The following SHISA5 variants were observed in gnomAD, a reference collection of about 807,000 sequenced individuals.
The protein encoded by SHISA5 is shisa family member 5, also known as protein shisa-5.
SHISA5 carries 21 observed loss-of-function variants against 27.5 expected under a neutral mutation model. That is an observed-to-expected ratio of 0.76 (90% CI 0.54 to 1.10). SHISA5 has a LOEUF of 1.10. Ranked by LOEUF, SHISA5 falls within the 50% of genes least tolerant of loss-of-function variation. The pLI is 0.00. For missense variants in SHISA5, 314 were observed against 336.3 expected (o/e 0.93, Z 0.52); for synonymous variants, 137 against 142.2 (o/e 0.96, Z 0.26).
At chr3:48,494,299 CTTTT>C (rs1328472129) in intron 2 of SHISA5, among the ~76,000 whole-genome samples, 2 of 129,726 alleles carry the variant, frequency 1.5e-5, no homozygotes, top group Non-Finnish European at 3.2e-5. Flanking sequence ...TCTGGATTTC[CTTTT>C]TTTTTTTTTT....
At chr3:48,501,406 T>C in intron 1 of SHISA5, 113 bp from the exon 2 acceptor site, 1 of 1,244,456 alleles carries the variant, frequency 8.0e-7, no homozygotes. Context: ...TGCTGCACCG[T>C]CTCTGAGCCA....
At chr3:48,501,387 A>G in intron 1 of SHISA5, 94 bp from the exon 2 acceptor site, 1 of 1,361,634 alleles carries the variant, frequency 7.3e-7, no homozygotes. Flanking sequence ...GACCACACAC[A>G]CACACACATG....
chr3:48,503,123 G>A (rs779250202), intron 1 of SHISA5: 5 of 1,289,816 alleles, frequency 3.9e-6, no homozygotes, highest in South Asian at 2.5e-5. Flanking sequence ...AGCATGGCCC[G>A]TGCCTGGTGG....
chr3:48,493,574 C>G lies in SHISA5; in HGVS notation c.233+7563G>C. Among the ~76,000 whole-genome samples, 2 of 119,870 alleles carry G rather than the reference C, an allele frequency of 1.7e-5. 1 individual carries two copies. Among genetic ancestry groups the G allele is most frequent in the Non-Finnish European group, 3.2e-5 (2 of 63,372 alleles). 78.6% of individuals were successfully genotyped at this position (119,870 alleles called of 152,430 possible). A position where few individuals can be genotyped will look rare whatever the true frequency, so the allele number is the denominator to read the frequency against. On this transcript the variant is annotated intron_variant, in intron 2 of 5. Transcript: ENST00000296444. ...TGAGACAGAGGCGGCTCTGTCATCCCGGCTGAAGTGCAGTGGCACAATCTC... is the reference window on the plus strand; with the variant it reads ...TGAGACAGAGGCGGCTCTGTCATCCGGGCTGAAGTGCAGTGGCACAATCTC...
rs1399199484 is a variant in SHISA5 at position 48,473,407 on chromosome 3, C to G, written c.315-3564G>C. The G allele has an allele frequency of 7.6e-7, 1 of 1,313,264 alleles. No homozygotes were observed. The highest frequency in any genetic ancestry group is 1.2e-5 in the South Asian group (1 of 81,216). The allele number at this position is 1,313,264 out of a possible 1,614,324, so 81.4% of individuals were successfully genotyped here. A position where few individuals can be genotyped will look rare whatever the true frequency, so the allele number is the denominator to read the frequency against. Reference sequence around the variant, plus strand: ...CAACCACACTCTAGCTCAGCAGCACCCCCACCCCCACTTCCACCTAACCCA... The same window carrying G: ...CAACCACACTCTAGCTCAGCAGCACGCCCACCCCCACTTCCACCTAACCCA... On this transcript the variant is annotated intron_variant, in intron 3 of 5. Coordinates refer to ENST00000296444, the MANE Select transcript of SHISA5 (RefSeq NM_016479.6). The surrounding 1 kb of genome is among the most constrained non-coding windows in gnomAD (Gnocchi z 4.3).
At chr3:48,479,354 C>CCGGTTCA in intron 2 of SHISA5, 97 bp from the exon 3 acceptor site, 1 of 1,227,508 alleles carries the variant, frequency 8.1e-7, no homozygotes, top group Non-Finnish European at 1.1e-6. Flanking sequence ...ACAGAAGCTA[C>CCGGTTCA]TATGAACCGG....
chr3:48,501,860 C>CTTTTT (rs35527637), intron 1 of SHISA5, among the ~76,000 whole-genome samples: 1 of 133,092 alleles, frequency 7.5e-6, no homozygotes, highest in Non-Finnish European at 1.6e-5. Context: ...CCCTTTCTTT[C>CTTTTT]TTTTTTTTTT....
intron 2 of SHISA5, among the ~76,000 whole-genome samples, chr3:48,492,797 G>A (rs1489358326): frequency 6.8e-6 from 1 of 147,366 alleles, no homozygotes; most frequent in Admixed American, 6.6e-5. Flanking sequence ...CCCAGAACTG[G>A]GGTTAATCAG....
At chr3:48,504,223 T>G, upstream of SHISA5, 2 of 384,346 alleles carry the variant, frequency 5.2e-6, no homozygotes. This position sits in a 1 kb window ranked among gnomAD's most constrained non-coding sequence, Gnocchi z 4.0. Context: ...CCGGAACCTC[T>G]GTCCGGGGGA....
chr3:48,487,965 TAAACA>T (rs1417595338), intron 2 of SHISA5, among the ~76,000 whole-genome samples: 2 of 152,166 alleles, frequency 1.3e-5, no homozygotes, highest in Non-Finnish European at 2.9e-5. Context: ...CTTTAGATGT[TAAACA>T]AAACAAAATT....
chr3:48,500,747 G>T (rs2041728965), intron 2 of SHISA5, among the ~76,000 whole-genome samples: 1 of 152,164 alleles, frequency 6.6e-6, no homozygotes, highest in African/African-American at 2.4e-5. Flanking sequence ...CCACAAGCGG[G>T]TTCTGAACAA....
chr3:48,498,386 C>T (rs577534622), intron 2 of SHISA5, among the ~76,000 whole-genome samples: 1 of 152,134 alleles, frequency 6.6e-6, no homozygotes, highest in Non-Finnish European at 1.5e-5. Flanking sequence ...AGAAATAAGA[C>T]ATTCAGAATA....
Position 48,468,536 on chromosome 3 carries a change from G to C in SHISA5, c.*571C>G. The C allele has an allele frequency of 8.4e-7, 1 of 1,187,552 alleles. No homozygotes were observed. Among genetic ancestry groups the C allele is most frequent in the Non-Finnish European group, 1.1e-6 (1 of 942,184 alleles). 73.6% of individuals were successfully genotyped at this position (1,187,552 alleles called of 1,614,324 possible). A position where few individuals can be genotyped will look rare whatever the true frequency, so the allele number is the denominator to read the frequency against. On this transcript the variant is annotated 3_prime_UTR_variant, in exon 6 of 6. Transcript: ENST00000296444. ...GGCATGACAGGCTCCAGGGAGCAAT[G>C]GGACATCTGCCCAAAGGATCAAAGT...
chr3:48,486,504 T>TA (rs1157978991), intron 2 of SHISA5, among the ~76,000 whole-genome samples: 4 of 114,924 alleles, frequency 3.5e-5, no homozygotes, highest in African/African-American at 1.4e-4. Flanking sequence ...ATATTTATAA[T>TA]TATATAATAT....
intron 3 of SHISA5, 61 bp downstream of exon 3, chr3:48,479,116 C>T: frequency 1.4e-6 from 2 of 1,466,466 alleles, no homozygotes; most frequent in African/African-American, 1.4e-5. Context: ...CACACTGGCC[C>T]CCCTGAGCCC....
chr3:48,474,567 C>T lies in SHISA5; in HGVS notation c.314+4610G>A, dbSNP rs188864469. On this transcript the variant is annotated intron_variant, in intron 3 of 5. Coordinates refer to ENST00000296444, the MANE Select transcript of SHISA5 (RefSeq NM_016479.6). ...GGCCAGGCTGGTCTCGAACTCCCGA[C>T]CTCAGGTGATCTGCCCACCTTGGCC... 2.8e-3 allele frequency among the ~76,000 whole-genome samples: 423 copies of T among 152,184 alleles called. 2 individuals are homozygous for T. The highest frequency in any genetic ancestry group is 9.9e-3 in the African/African-American group (409 of 41,506).
intron 2 of SHISA5, among the ~76,000 whole-genome samples, chr3:48,495,852 T>C (rs1330293482): frequency 6.8e-6 from 1 of 146,600 alleles, no homozygotes; most frequent in Non-Finnish European, 1.5e-5. Context: ...AATAAACAAT[T>C]AGAAAATAAA....
chr3:48,502,744 A>G (rs1166961812), intron 1 of SHISA5, among the ~76,000 whole-genome samples: 1 of 152,212 alleles, frequency 6.6e-6, no homozygotes, highest in Non-Finnish European at 1.5e-5. Context: ...AAGGCCCACA[A>G]GTCCGCAGTA....
chr3:48,473,111 G>A lies in SHISA5; in HGVS notation c.315-3268C>T. 1 of 1,480,510 alleles carries A rather than the reference G, an allele frequency of 6.8e-7. No individual in the cohort carries two copies. 91.7% of individuals were successfully genotyped at this position (1,480,510 alleles called of 1,614,324 possible). A position where few individuals can be genotyped will look rare whatever the true frequency, so the allele number is the denominator to read the frequency against. On this transcript the variant is annotated intron_variant, in intron 3 of 5. Coordinates refer to ENST00000296444, the MANE Select transcript of SHISA5 (RefSeq NM_016479.6). The surrounding 1 kb of genome is among the most constrained non-coding windows in gnomAD (Gnocchi z 4.3). ...AGTTTCAATTTCCTCCCCTTTTGGAGAAAAAGAAAGCAAATCTCCTCCAGA... is the reference window on the plus strand; with the variant it reads ...AGTTTCAATTTCCTCCCCTTTTGGAAAAAAAGAAAGCAAATCTCCTCCAGA...
Sources: gnomAD v4.1 joint callset for allele counts (sites outside exome capture counted in the v4.1 genomes callset) on GRCh38, gnomAD v4.1.1 for gene constraint, Gnocchi (gnomAD v3.1) non-coding constraint, MANE v1.5 for transcripts, NCBI Gene and HGNC (gene_info 2026-07-23, HGNC 2026-07-21) for gene names.